The following DAB1 variants were observed in gnomAD, a reference collection of about 807,000 sequenced individuals.
The protein encoded by DAB1 is disabled homolog 1.
A neutral mutation model predicts 64.6 loss-of-function variants in DAB1; 15 were observed. The observed-to-expected ratio is 0.23, with a 90% CI of 0.16 to 0.36. DAB1 has a LOEUF of 0.36. Among genes scored for constraint, DAB1 ranks in the 10% least tolerant of loss-of-function variants. DAB1 has a pLI of 1.00. For synonymous variants in DAB1, 235 were observed against 251.9 expected (o/e 0.93, Z 0.64); for missense variants, 596 against 706.7 (o/e 0.84, Z 1.78).
At chr1:58,468,970 G>T (rs338240) in intron 3 of DAB1, 213,496 of 243,836 alleles carry the variant, frequency 0.88, 94,268 homozygotes, top group African/African-American at 0.95. Context: ...GAAACATTCC[G>T]CCTGGCTGAC....
At chr1:57,318,155 CAAAAAA>C (rs3042914) in intron 1 of DAB1, among the ~76,000 whole-genome samples, 3 of 103,420 alleles carry the variant, frequency 2.9e-5, no homozygotes, top group Middle Eastern at 6.7e-3. Context: ...AGCTGCAACT[CAAAAAA>C]AAAAAAAAAA....
At chr1:57,784,380 G>C in intron 6 of DAB1, among the ~76,000 whole-genome samples, 1 of 152,086 alleles carries the variant, frequency 6.6e-6, no homozygotes, top group South Asian at 2.1e-4. Flanking sequence ...GTGTTGAAGT[G>C]AGATCCAGTC....
intron 1 of DAB1, among the ~76,000 whole-genome samples, chr1:57,398,390 AAGG>A (rs1206352401): frequency 3.0e-5 from 4 of 131,166 alleles, no homozygotes; most frequent in Non-Finnish European, 5.3e-5. Context: ...ATTGAAAGAT[AAGG>A]AGGAGTTCAA....
Position 57,683,086 on chromosome 1 carries a change from T to C in DAB1, n.552-33421A>G, listed in dbSNP as rs568201701. 2.6e-5 allele frequency among the ~76,000 whole-genome samples: 4 copies of C among 152,292 alleles called. No individual in the cohort carries two copies. In the South Asian group the frequency reaches 8.3e-4, roughly 32 times the overall value. ...ACAGGCCATCCTGGCATCCCAGCAC[T>C]GTAGCATCCAGCTTAAGAGTGCCAA... On this transcript the variant is annotated intron_variant and non_coding_transcript_variant, in intron 6 of 20. Transcript: ENST00000485760.
chr1:57,991,134 C>T (rs12058924), intron 5 of DAB1, among the ~76,000 whole-genome samples: 3,033 of 152,300 alleles, frequency 0.02, 68 homozygotes, highest in African/African-American at 0.049. Context: ...GCTTGGCACA[C>T]ACAAACAGAA....
At chr1:58,333,145 T>C (rs1663014319) in intron 4 of DAB1, among the ~76,000 whole-genome samples, 1 of 152,122 alleles carries the variant, frequency 6.6e-6, no homozygotes, top group African/African-American at 2.4e-5. Context: ...CCAGACCTGT[T>C]TATTTTTTTC....
At chr1:58,126,137 T>A (rs1348139906) in intron 5 of DAB1, among the ~76,000 whole-genome samples, 1 of 152,204 alleles carries the variant, frequency 6.6e-6, no homozygotes, top group Non-Finnish European at 1.5e-5. Flanking sequence ...GTCTGACCTT[T>A]TCCCACAGAA....
chr1:57,621,249 G>A (rs1040078054), intron 7 of DAB1, among the ~76,000 whole-genome samples: 8 of 116,792 alleles, frequency 6.8e-5, no homozygotes, highest in Admixed American at 3.0e-4. Flanking sequence ...GTTTAAGAGA[G>A]GGAGTGAGAT....
In DAB1 at chr1:58,432,525, C is replaced by T. The variant is rs1053561877; in HGVS notation, n.257+73535G>A. 8.5e-5 allele frequency among the ~76,000 whole-genome samples: 13 copies of T among 152,274 alleles called. 1 individual carries two copies. The Middle Eastern group carries it at 0.01, about 120-fold the overall frequency. ...GGTTACCTCTTCCACCAGGCCTACC[C>T]GCCAAGTCTGGAGCAGGGTCTCTTT... On this transcript the variant is annotated intron_variant and non_coding_transcript_variant, in intron 3 of 20. Coordinates refer to the DAB1 transcript ENST00000485760.
intron 4 of DAB1, among the ~76,000 whole-genome samples, chr1:58,165,999 G>A (rs1344254830): frequency 6.6e-6 from 1 of 152,176 alleles, no homozygotes; most frequent in Non-Finnish European, 1.5e-5. Flanking sequence ...AGGACACATG[G>A]TTAGTAAGTA....
chr1:57,033,274 T>TAGAGC, intron 9 of DAB1: 1 of 1,142,560 alleles, frequency 8.8e-7, no homozygotes, highest in Admixed American at 1.7e-5. Context: ...AGGTACCTAC[T>TAGAGC]AGAGCAGAGC....
intron 4 of DAB1, among the ~76,000 whole-genome samples, chr1:58,208,229 T>C (rs1479453414): frequency 6.6e-6 from 1 of 152,206 alleles, no homozygotes; most frequent in East Asian, 1.9e-4. Flanking sequence ...ATATCAGTAG[T>C]GGAATTCGAA....
intron 1 of DAB1, among the ~76,000 whole-genome samples, chr1:57,410,047 T>G (rs2101055110): frequency 6.6e-6 from 1 of 152,242 alleles, no homozygotes; most frequent in East Asian, 1.9e-4. Flanking sequence ...TTGTTGTTGA[T>G]TTCGTGCAAT....
chr1:57,083,814 G>C (rs901155597), intron 4 of DAB1, among the ~76,000 whole-genome samples: 6 of 152,184 alleles, frequency 3.9e-5, no homozygotes, highest in African/African-American at 2.4e-5. Context: ...ATTTGGAGTA[G>C]ACACAGGTCA....
At chr1:57,798,427 C>T (rs1389833572) in intron 6 of DAB1, among the ~76,000 whole-genome samples, 2 of 152,198 alleles carry the variant, frequency 1.3e-5, no homozygotes, top group Non-Finnish European at 2.9e-5. Context: ...ATTTTGTCTT[C>T]TATGCTTGCT....
intron 2 of DAB1, chr1:58,527,229 C>T (rs771255590): frequency 5.8e-6 from 5 of 866,510 alleles, no homozygotes; most frequent in Non-Finnish European, 1.0e-5. Flanking sequence ...CTGGGAAGGG[C>T]ATTATGTATT....
intron 5 of DAB1, among the ~76,000 whole-genome samples, chr1:57,892,196 C>T (rs1373537529): frequency 1.3e-5 from 2 of 152,088 alleles, no homozygotes; most frequent in African/African-American, 4.8e-5. Context: ...TTTAGAGAAT[C>T]GTCCCACCTA....
At chr1:57,611,282 CT>C (rs1478713193) in intron 7 of DAB1, among the ~76,000 whole-genome samples, 1 of 152,048 alleles carries the variant, frequency 6.6e-6, no homozygotes, top group Non-Finnish European at 1.5e-5. Context: ...CCTGCCTTCC[CT>C]TTTAGGTAAC....
intron 2 of DAB1, among the ~76,000 whole-genome samples, chr1:57,222,285 T>G (rs1228296405): frequency 6.6e-6 from 1 of 152,106 alleles, no homozygotes; most frequent in Non-Finnish European, 1.5e-5. Flanking sequence ...GAACAGAAAA[T>G]ACATTTACAG....
Sources: gnomAD v4.1 joint callset for allele counts (sites outside exome capture counted in the v4.1 genomes callset) on GRCh38, gnomAD v4.1.1 for gene constraint, MANE v1.5 for transcripts, NCBI Gene and HGNC (gene_info 2026-07-23, HGNC 2026-07-21) for gene names.